Variants in ZNF732 observed in about 807,000 individuals in gnomAD.
ZNF732 encodes the protein zinc finger protein 732.
Under a neutral mutation model 11.5 loss-of-function variants are expected in ZNF732, and 12 were observed. The ratio of observed to expected loss-of-function variants is 1.05; its 90% confidence interval spans 0.67 to 1.70. The LOEUF is 1.70. Among genes scored for constraint, ZNF732 ranks in the 40% most tolerant of loss-of-function variants. The pLI is 0.00. For missense variants in ZNF732, 702 were observed against 676.9 expected (o/e 1.04, Z -0.41); for synonymous variants, 231 against 236.5 (o/e 0.98, Z 0.21).
intron 3 of ZNF732, among the ~76,000 whole-genome samples, chr4:279,089 T>C (rs138106788): frequency 0.013 from 1,965 of 151,942 alleles, 23 homozygotes; most frequent in Middle Eastern, 0.061. Context: ...AGGACAATCT[T>C]ACAAAAACAA....
rs1281449988 is a variant in ZNF732, at chr4:293,966, CTT to C, written c.226+1470_226+1471del. 2.6e-5 allele frequency among the ~76,000 whole-genome samples: 4 copies of C among 152,138 alleles called. No homozygotes were observed. The East Asian group carries it at 7.7e-4, about 29-fold the overall frequency. ...ATGTTACTATATACCAAACATAACT[CTT>C]GTTTACGTCAATTAAAGTCTGGTAA... is the stretch of plus-strand genomic sequence containing the variant. On this transcript the variant is annotated intron_variant, in intron 3 of 3. Transcript: ENST00000419098.
intron 3 of ZNF732, among the ~76,000 whole-genome samples, chr4:276,447 T>C (rs1358290029): frequency 2.0e-5 from 3 of 151,972 alleles, no homozygotes; most frequent in Non-Finnish European, 2.9e-5. Context: ...CAGTATGATT[T>C]CAGCCATTAA....
intron 3 of ZNF732, among the ~76,000 whole-genome samples, chr4:293,311 T>TATATATATATAC (rs1491092680): frequency 6.8e-6 from 1 of 147,172 alleles, no homozygotes; most frequent in Admixed American, 6.8e-5. Flanking sequence ...TGTGTGTGTG[T>TATATATATATAC]ATATATATAT....
chr4:299,439 A>ATATATATATATACACATATGTG (rs1720047363), intron 1 of ZNF732, among the ~76,000 whole-genome samples: 1 of 45,820 alleles, frequency 2.2e-5, no homozygotes, highest in Non-Finnish European at 4.2e-5. Flanking sequence ...ATATGTGTAT[A>ATATATATATATACACATATGTG]TATATATATA....
At chr4:287,287 T>C (rs1719751183) in intron 3 of ZNF732, among the ~76,000 whole-genome samples, 1 of 151,518 alleles carries the variant, frequency 6.6e-6, no homozygotes, top group African/African-American at 2.4e-5. Context: ...TGATCTCGGC[T>C]CACTGCAGCC....
At chr4:299,242 G>A (rs1720027496) in intron 1 of ZNF732, among the ~76,000 whole-genome samples, 1 of 150,876 alleles carries the variant, frequency 6.6e-6, no homozygotes. Context: ...AAAAACCTGG[G>A]GTAAACACAA....
intron 3 of ZNF732, among the ~76,000 whole-genome samples, chr4:278,289 T>C (rs1553839078): frequency 6.6e-6 from 1 of 152,172 alleles, no homozygotes; most frequent in Admixed American, 6.5e-5. Flanking sequence ...ATCCAAAATA[T>C]ACCAAAAATA....
chr4:276,259 GAT>G (rs1337385933), intron 3 of ZNF732, among the ~76,000 whole-genome samples: 2 of 151,824 alleles, frequency 1.3e-5, no homozygotes, highest in Non-Finnish European at 3.0e-5. Context: ...TATGCAGAGA[GAT>G]AAACACAGAG....
chr4:270,727 G>T lies in ZNF732; in HGVS notation c.*372C>A. On this transcript the variant is annotated 3_prime_UTR_variant, in exon 4 of 4. Transcript: ENST00000419098. ...AATTTTCTCATGTTTATTTATGGGTGAGGACCGTTTATAGGCTTTCCCACA... is the reference window on the plus strand; with the variant it reads ...AATTTTCTCATGTTTATTTATGGGTTAGGACCGTTTATAGGCTTTCCCACA... 2.3e-6 allele frequency: 1 copy of T among 426,080 alleles called. No homozygotes were observed. Among genetic ancestry groups the T allele is most frequent in the Admixed American group, 3.4e-5 (1 of 29,310 alleles). The allele number at this position is 426,080 out of a possible 1,614,324, so 26.4% of individuals were successfully genotyped here. A position where few individuals can be genotyped will look rare whatever the true frequency, so the allele number is the denominator to read the frequency against.
intron 3 of ZNF732, among the ~76,000 whole-genome samples, chr4:293,988 T>C (rs1430897497): frequency 6.6e-6 from 1 of 152,170 alleles, no homozygotes; most frequent in East Asian, 1.9e-4. Context: ...AATTAAAGTC[T>C]GGTAAAATTA....
intron 1 of ZNF732, among the ~76,000 whole-genome samples, chr4:304,682 A>G (rs1268756058): frequency 6.6e-6 from 1 of 152,132 alleles, no homozygotes; most frequent in Admixed American, 6.5e-5. Flanking sequence ...TGGCAGAACT[A>G]CTCACAGAAC....
At chr4:296,222 A>C in intron 1 of ZNF732, 67 bp from the exon 2 acceptor site, 1 of 1,573,172 alleles carries the variant, frequency 6.4e-7, no homozygotes, top group Non-Finnish European at 8.6e-7. Context: ...AGTTAAGAGA[A>C]CTAGTTCTGA....
At chr4:290,094 C>A (rs13111233) in intron 3 of ZNF732, among the ~76,000 whole-genome samples, 6,152 of 152,222 alleles carry the variant, frequency 0.04, 174 homozygotes, top group East Asian at 0.11. Context: ...AAAACACTAA[C>A]GAAGTGACAG....
intron 3 of ZNF732, among the ~76,000 whole-genome samples, chr4:282,663 C>T (rs1414960962): frequency 1.3e-5 from 2 of 152,096 alleles, no homozygotes; most frequent in African/African-American, 4.8e-5. Flanking sequence ...GAACCCACCA[C>T]TGCACTACAT....
chr4:283,602 G>A (rs1248498260), intron 3 of ZNF732, among the ~76,000 whole-genome samples: 2 of 151,496 alleles, frequency 1.3e-5, no homozygotes, highest in African/African-American at 4.8e-5. Context: ...CAATATTGGA[G>A]CACATAAATA....
rs891228360 is a variant in ZNF732 at position 305,444 on chromosome 4, C to T, written c.-134G>A. 1 of 1,313,078 alleles carries T rather than the reference C, an allele frequency of 7.6e-7. No individual in the cohort carries two copies. Among genetic ancestry groups the T allele is most frequent in the South Asian group, 1.3e-5 (1 of 76,816 alleles). 81.3% of individuals were successfully genotyped at this position (1,313,078 alleles called of 1,614,324 possible). ...AGGGGTGAAAGCACGGCCGTGGAGA[C>T]CCTAACCGAGCTCACGCTGGCGCAA... is the stretch of plus-strand genomic sequence containing the variant. On this transcript the variant is annotated 5_prime_UTR_variant, in exon 1 of 4. Transcript: ENST00000419098.
chr4:304,218 G>T (rs1203624198), intron 1 of ZNF732, among the ~76,000 whole-genome samples: 1 of 152,130 alleles, frequency 6.6e-6, no homozygotes, highest in Non-Finnish European at 1.5e-5. Flanking sequence ...GCGTCCTCGG[G>T]AGTGGGTTAG....
chr4:285,158 T>C (rs988311802), intron 3 of ZNF732, among the ~76,000 whole-genome samples: 2 of 151,988 alleles, frequency 1.3e-5, no homozygotes, highest in Non-Finnish European at 2.9e-5. Context: ...AGGCATACTA[T>C]GTTCACAGGA....
At chr4:289,432 T>TC (rs1180742554) in intron 3 of ZNF732, among the ~76,000 whole-genome samples, 2 of 152,258 alleles carry the variant, frequency 1.3e-5, no homozygotes, top group East Asian at 3.9e-4. Context: ...CTCCAGGCTC[T>TC]CCATCTTGAT....
Sources: gnomAD v4.1 joint callset for allele counts (sites outside exome capture counted in the v4.1 genomes callset) on GRCh38, gnomAD v4.1.1 for gene constraint, MANE v1.5 for transcripts, NCBI Gene and HGNC (gene_info 2026-07-23, HGNC 2026-07-21) for gene names.